Variants in PAPLN observed in about 807,000 individuals in gnomAD.
PAPLN encodes the protein papilin.
A neutral mutation model predicts 159.0 loss-of-function variants in PAPLN; 146 were observed. The ratio of observed to expected loss-of-function variants is 0.92; its 90% CI spans 0.80 to 1.05. PAPLN has a LOEUF of 1.05. PAPLN is among the 50% of genes least tolerant of loss of function. The probability of loss-of-function intolerance (pLI) is 0.00; values close to 1 mark genes in which losing one functional copy is unlikely to be tolerated. For synonymous variants in PAPLN, 734 were observed against 702.9 expected (o/e 1.04, Z -0.70); for missense variants, 1,720 against 1,743.9 (o/e 0.99, Z 0.24).
chr14:73,266,568 A>ATGGG lies in PAPLN; in HGVS notation c.3331_3332insTGGG (p.Thr1111MetfsTer39), dbSNP rs1278849352. On this transcript the variant is annotated frameshift_variant, in exon 24 of 27. Transcript: ENST00000644200. LOFTEE classifies it high-confidence loss of function. ...GGCTGTAGAAGATGGCGGCTTCTAC[A>ATGGG]CCTGTGTCGCTTTCAATGGGCAGGA... The ATGGG allele has an allele frequency of 6.2e-7, 1 of 1,614,096 alleles. No individual in the cohort carries two copies. Among genetic ancestry groups the ATGGG allele is most frequent in the Admixed American group, 1.7e-5 (1 of 60,014 alleles).
chr14:73,251,646 G>A lies in PAPLN; in HGVS notation c.671-18G>A, dbSNP rs764735919. 6.2e-7 allele frequency: 1 copy of A among 1,613,526 alleles called. No homozygotes were observed. The highest frequency in any genetic ancestry group is 8.5e-7 in the Non-Finnish European group (1 of 1,180,008). ...GCACTGCTCCCTCTGGCTGACTGAG[G>A]CGGTCTCCTCTGCGCAGCTGTGAAG... is the stretch of plus-strand genomic sequence containing the variant. On this transcript the variant is annotated intron_variant, in intron 8 of 26. Transcript: ENST00000644200.
At chr14:73,271,063 G>A in intron 26 of PAPLN, among the ~76,000 whole-genome samples, 1 of 152,124 alleles carries the variant, frequency 6.6e-6, no homozygotes, top group East Asian at 1.9e-4. Context: ...GAAGAAATGT[G>A]CATAAAGGGC....
chr14:73,272,263 A>G (rs1022722245), intron 26 of PAPLN: 3 of 392,020 alleles, frequency 7.7e-6, no homozygotes, highest in African/African-American at 4.1e-5. Context: ...TGAGGCCACA[A>G]ATAATAATGG....
Position 73,260,766 on chromosome 14 carries a change from C to T in PAPLN, c.2043C>T (p.Cys681=). The change falls in exon 17 of 27, where the codon TGC becomes TGT. Residue 681 remains cysteine (C), a synonymous_variant. Coordinates refer to ENST00000644200, the MANE Select transcript of PAPLN (RefSeq NM_001365906.3). ...CTGAGGGGCCCCATCACGCTGGCTG[C>T]ACAAAGTCGTATGGTGGTGACAGCA... ...SVAEGPHHAG[C]TKSYGGDSTG... 6.7e-7 allele frequency: 1 copy of T among 1,481,676 alleles called. No homozygotes were observed. The highest frequency in any genetic ancestry group is 2.6e-5 in the Admixed American group (1 of 39,164). 91.8% of individuals were successfully genotyped at this position (1,481,676 alleles called of 1,614,324 possible).
At chr14:73,257,866 C>A (rs566980280) in intron 14 of PAPLN, among the ~76,000 whole-genome samples, 3 of 149,374 alleles carry the variant, frequency 2.0e-5, no homozygotes, top group African/African-American at 7.4e-5. Flanking sequence ...CAGGTTCAAG[C>A]GATTCTCCTG....
Position 73,253,734 on chromosome 14 carries a change from C to T in PAPLN, c.1095-20C>T, listed in dbSNP as rs777947715. ...GCCCATGCTCCTGGGCCAGCCTTAC[C>T]TGATTCCCCCTCCTGCCAGCTGGAA... On this transcript the variant is annotated intron_variant, in intron 11 of 26. Transcript: ENST00000644200. The T allele has an allele frequency of 1.3e-6, 2 of 1,577,866 alleles. No homozygotes were observed. The highest frequency in any genetic ancestry group is 2.3e-5 in the South Asian group (2 of 86,240).
Position 73,251,520 on chromosome 14 carries a change from C to T in PAPLN, c.624C>T (p.Ala208=). 6.2e-7 allele frequency: 1 copy of T among 1,610,970 alleles called. No homozygotes were observed. The highest frequency in any genetic ancestry group is 8.5e-7 in the Non-Finnish European group (1 of 1,179,864). ...AGATCCTCATAGTTCCCATGGGTGC[C>T]ACCAGCATCCTCATCGACGAGGCTG... ...YNQILIVPMG[A]TSILIDEAAA... Residue 208 remains alanine, a synonymous_variant, in exon 8 of 27, where the codon GCC becomes GCT. Transcript: ENST00000644200.
chr14:73,264,375 G>C (rs1196958377), intron 21 of PAPLN, 40 bp downstream of exon 21: 1 of 1,590,762 alleles, frequency 6.3e-7, no homozygotes, highest in Non-Finnish European at 8.6e-7. Flanking sequence ...GTTCTCAGGG[G>C]CCCGAGTGGG....
In PAPLN at chr14:73,252,042, G is replaced by A. The variant is rs141937638; in HGVS notation, c.868G>A (p.Gly290Ser). 2.0e-5 allele frequency: 32 copies of A among 1,611,982 alleles called. No individual in the cohort carries two copies. Among genetic ancestry groups the A allele is most frequent in the Admixed American group, 1.5e-4 (9 of 59,814 alleles). The change falls in exon 10 of 27, where the codon GGT becomes AGT. Residue 290 changes from glycine to serine, a missense_variant. By Grantham distance (56) the Gly-to-Ser change is moderately conservative. Coordinates refer to ENST00000644200, the MANE Select transcript of PAPLN (RefSeq NM_001365906.3). ...GCTCATCAGCCAGGAGCCCAACCCC[G>A]GTGTGCACTATGAGTACCACCTGCC... ...IELISQEPNP[G>S]VHYEYHLPLR...
intron 5 of PAPLN, among the ~76,000 whole-genome samples, chr14:73,248,144 T>A (rs1307226845): frequency 5.0e-5 from 7 of 140,210 alleles, no homozygotes; most frequent in South Asian, 2.4e-4. Context: ...GCTGTGGGCA[T>A]GGCCCAGTGG....
intron 14 of PAPLN, 137 bp from the exon 15 acceptor site, chr14:73,258,842 C>A: frequency 1.4e-6 from 1 of 699,356 alleles, no homozygotes; most frequent in Non-Finnish European, 2.2e-6. Context: ...TGCTCCTTTT[C>A]CCTTGGGCTG....
rs535022438 is a variant in PAPLN at position 73,264,251 on chromosome 14, C to G, written c.2902C>G (p.Leu968Val). Residue 968 changes from leucine (L) to valine (V), a missense_variant, in exon 21 of 27, where the codon CTG becomes GTG. Leu to Val is a conservative substitution (Grantham distance 32). Coordinates refer to ENST00000644200, the MANE Select transcript of PAPLN (RefSeq NM_001365906.3). ...QFDGSLIIHP[L>V]QAEDAGTYSC... ...CGACGGATCCCTGATCATCCACCCC[C>G]TGCAGGCAGAGGACGCGGGCACCTA... is the stretch of plus-strand genomic sequence containing the variant. The G allele has an allele frequency of 7.4e-6, 12 of 1,614,042 alleles. No individual in the cohort carries two copies. In the African/African-American group the frequency reaches 1.2e-4, roughly 16 times the overall value.
chr14:73,266,138 A>G (rs899591408), intron 23 of PAPLN, among the ~76,000 whole-genome samples: 1 of 152,194 alleles, frequency 6.6e-6, no homozygotes, highest in African/African-American at 2.4e-5. Context: ...CAGGAGTTCA[A>G]GACCAGCCTG....
At chr14:73,264,788 G>T in intron 22 of PAPLN, 62 bp downstream of exon 22, 2 of 1,602,486 alleles carry the variant, frequency 1.2e-6, no homozygotes, top group Non-Finnish European at 1.7e-6. Flanking sequence ...GGGGGTCTCA[G>T]TGGATAAGGA....
At chr14:73,239,447 C>G (rs1157965894) in intron 1 of PAPLN, among the ~76,000 whole-genome samples, 1 of 152,232 alleles carries the variant, frequency 6.6e-6, no homozygotes, top group East Asian at 1.9e-4. Flanking sequence ...AGTCTAATTA[C>G]TCGGATTCTG....
rs772015501 is a variant in PAPLN, at chr14:73,266,777, C to T, written c.3446C>T (p.Thr1149Met). 3.2e-5 allele frequency: 52 copies of T among 1,613,794 alleles called. No homozygotes were observed. The highest frequency in any genetic ancestry group is 2.5e-4 in the Admixed American group (15 of 59,964). Reference protein sequence around the residue: ...PPTVTVPEGDTARLLCVVAGE... With the variant: ...PPTVTVPEGDMARLLCVVAGE... Reference sequence around the variant, plus strand: ...ACTGTGACAGTGCCAGAGGGTGATACGGCCAGGCTATTGTGTGTGGTAGCA... The same window carrying T: ...ACTGTGACAGTGCCAGAGGGTGATATGGCCAGGCTATTGTGTGTGGTAGCA... The change falls in exon 25 of 27, where the codon ACG (threonine) becomes ATG (methionine). Residue 1149 changes from threonine to methionine, a missense_variant. By Grantham distance (81) the Thr-to-Met change is moderately conservative. Transcript: ENST00000644200.
Position 73,245,698 on chromosome 14 carries a change from T to C in PAPLN, c.231+2T>C. ...AGCCACCGCTCTTGTCGCACGGAGG[T>C]AAAGCTCACGGGGCGCGGGCGAAGG... On this transcript the variant is annotated splice_donor_variant, in intron 4 of 26. Transcript: ENST00000644200. LOFTEE classifies it high-confidence loss of function. This position sits in a 1 kb window ranked among gnomAD's most constrained non-coding sequence, Gnocchi z 4.2. 6.5e-7 allele frequency: 1 copy of C among 1,546,884 alleles called. No individual in the cohort carries two copies. Among genetic ancestry groups the C allele is most frequent in the South Asian group, 1.2e-5 (1 of 84,452 alleles).
Position 73,245,633 on chromosome 14 carries a change from C to A in PAPLN, c.171-3C>A. ...AGGTCTTCCCGGTGCTCTGGTCCCG[C>A]AGGAGAGATGGAGGCTCCAGCTGCG... On this transcript the variant is annotated splice_polypyrimidine_tract_variant and splice_region_variant and intron_variant, in intron 3 of 26. Coordinates refer to ENST00000644200, the MANE Select transcript of PAPLN (RefSeq NM_001365906.3). This position sits in a 1 kb window ranked among gnomAD's most constrained non-coding sequence, Gnocchi z 4.2. 1 of 1,558,144 alleles carries A rather than the reference C, an allele frequency of 6.4e-7. No homozygotes were observed. The highest frequency in any genetic ancestry group is 8.7e-7 in the Non-Finnish European group (1 of 1,152,276).
Position 73,251,004 on chromosome 14 carries a change from C to T in PAPLN, c.563C>T (p.Thr188Ile). Reference protein sequence around the residue: ...DGTTCYPVAGTFDANDLSRGY... With the variant: ...DGTTCYPVAGIFDANDLSRGY... ...ACGACCTGCTACCCCGTCGCAGGCA[C>T]CTTTGACGCTAATGACCTCAGCCGA... Residue 188 changes from threonine (T) to isoleucine (I), a missense_variant, in exon 7 of 27, where the codon ACC (threonine) becomes ATC (isoleucine). Thr to Ile is a moderately conservative substitution (Grantham distance 89). Coordinates refer to ENST00000644200, the MANE Select transcript of PAPLN (RefSeq NM_001365906.3). 3 of 1,613,306 alleles carry T rather than the reference C, an allele frequency of 1.9e-6. No homozygotes were observed. The highest frequency in any genetic ancestry group is 2.5e-6 in the Non-Finnish European group (3 of 1,179,714).
Sources: gnomAD v4.1 joint callset for allele counts (sites outside exome capture counted in the v4.1 genomes callset) on GRCh38, gnomAD v4.1.1 for gene constraint, Gnocchi (gnomAD v3.1) non-coding constraint, MANE v1.5 for transcripts, NCBI Gene and HGNC (gene_info 2026-07-23, HGNC 2026-07-21) for gene names.